Variants in DSCAM observed in about 807,000 individuals in gnomAD.
DSCAM encodes cell adhesion molecule DSCAM.
A neutral mutation model predicts 217.7 loss-of-function variants in DSCAM; 47 were observed. The observed-to-expected ratio is 0.22, with a 90% CI of 0.17 to 0.28. The LOEUF is 0.28. DSCAM is among the 10% of genes least tolerant of loss of function. DSCAM has a pLI of 1.00. For missense variants in DSCAM, 2,080 were observed against 2,618.3 expected (o/e 0.79, Z 4.49); for synonymous variants, 1,056 against 1,015.3 (o/e 1.04, Z -0.76).
At position 40,775,727 on chromosome 21, in the gene DSCAM, G is replaced by A. The variant is rs140215940; in HGVS notation, c.44-66956C>T. ...TCAACCTTGGACTGAGAGACACATC[G>A]TCGGCATCCCTGGTTCTCAAAGTAT... On this transcript the variant is annotated intron_variant, in intron 1 of 32. Coordinates refer to ENST00000400454, the MANE Select transcript of DSCAM (RefSeq NM_001389.5). Among the ~76,000 whole-genome samples the A allele has an allele frequency of 1.9e-3, 282 of 152,248 alleles. 1 individual carries two copies. Among genetic ancestry groups the A allele is most frequent in the African/African-American group, 6.2e-3 (257 of 41,550 alleles).
intron 3 of DSCAM, among the ~76,000 whole-genome samples, chr21:40,511,208 G>A (rs569646634): frequency 5.3e-5 from 8 of 152,128 alleles, no homozygotes; most frequent in African/African-American, 1.9e-4. Flanking sequence ...TTTGAGAAAA[G>A]AGGAAAGCAG....
At chr21:40,255,083 G>A in intron 11 of DSCAM, among the ~76,000 whole-genome samples, 1 of 151,998 alleles carries the variant, frequency 6.6e-6, no homozygotes, top group East Asian at 1.9e-4. Flanking sequence ...GGAATAAACA[G>A]GTAAATAAAG....
intron 1 of DSCAM, among the ~76,000 whole-genome samples, chr21:40,841,040 A>C (rs2092097046): frequency 6.6e-6 from 1 of 152,198 alleles, no homozygotes; most frequent in African/African-American, 2.4e-5. Flanking sequence ...CTAGTGAGAG[A>C]GGCAGTCACT....
At position 40,369,072 on chromosome 21, in the gene DSCAM, G is replaced by A. The variant is rs1264473295; in HGVS notation, c.655+27C>T. The A allele has an allele frequency of 3.8e-6, 6 of 1,583,074 alleles. No individual in the cohort carries two copies. The Admixed American group carries it at 1.1e-4, about 28-fold the overall frequency. ...CACTAACAAAGAAATAGCAGACATA[G>A]CAGACAGAGTCTTGATAAGTTTTTA... is the stretch of plus-strand genomic sequence containing the variant. On this transcript the variant is annotated intron_variant, in intron 4 of 32. Transcript: ENST00000400454.
chr21:40,091,201 T>TCA (rs141577549), intron 21 of DSCAM, among the ~76,000 whole-genome samples: 12 of 151,974 alleles, frequency 7.9e-5, no homozygotes, highest in South Asian at 2.1e-4. Flanking sequence ...ATAAGGTTTA[T>TCA]CACACACACA....
intron 3 of DSCAM, among the ~76,000 whole-genome samples, chr21:40,520,100 A>G (rs1397550068): frequency 2.0e-5 from 3 of 152,070 alleles, no homozygotes; most frequent in Admixed American, 6.6e-5. Context: ...ATGTTTCCTT[A>G]ATGACATAAT....
At chr21:40,574,163 CA>C (rs920567759) in intron 3 of DSCAM, among the ~76,000 whole-genome samples, 1 of 151,562 alleles carries the variant, frequency 6.6e-6, no homozygotes, top group African/African-American at 2.4e-5. Context: ...ATTAAACCTA[CA>C]AAAAACATTA....
At chr21:40,631,441 A>G (rs1337030028) in intron 3 of DSCAM, among the ~76,000 whole-genome samples, 2 of 152,162 alleles carry the variant, frequency 1.3e-5, no homozygotes, top group African/African-American at 4.8e-5. Context: ...ATGTGTCTGA[A>G]TTCTGGGCAT....
At chr21:40,412,628 T>C (rs566107481) in intron 3 of DSCAM, among the ~76,000 whole-genome samples, 26 of 152,338 alleles carry the variant, frequency 1.7e-4, no homozygotes, top group East Asian at 1.2e-3. Flanking sequence ...GCATTCAAGA[T>C]GTGACTAGGG....
intron 1 of DSCAM, among the ~76,000 whole-genome samples, chr21:40,725,884 G>T (rs977839138): frequency 6.6e-6 from 1 of 152,080 alleles, no homozygotes; most frequent in African/African-American, 2.4e-5. Flanking sequence ...GACAATTTTA[G>T]ATCATGCAAA....
intron 1 of DSCAM, among the ~76,000 whole-genome samples, chr21:40,837,664 C>T (rs888238013): frequency 6.6e-6 from 1 of 152,212 alleles, no homozygotes; most frequent in Non-Finnish European, 1.5e-5. Context: ...TGTTAGACAG[C>T]ATTCCACATT....
intron 3 of DSCAM, among the ~76,000 whole-genome samples, chr21:40,421,573 G>T (rs370272408): frequency 3.9e-5 from 6 of 152,308 alleles, no homozygotes; most frequent in East Asian, 1.9e-4. Context: ...GTGTTTTGAG[G>T]TGTATGTTGA....
Position 40,514,575 on chromosome 21 carries a change from T to C in DSCAM, c.509-145330A>G, listed in dbSNP as rs141543347. Among the ~76,000 whole-genome samples, 7 of 152,358 alleles carry C rather than the reference T, an allele frequency of 4.6e-5. No homozygotes were observed. In the East Asian group the frequency reaches 1.3e-3, roughly 29 times the overall value. On this transcript the variant is annotated intron_variant, in intron 3 of 32. Transcript: ENST00000400454. ...AGACAGACTATTCACGTTGCACCAG[T>C]GCATATTCTAATGTTCTGCAGCAAC...
intron 1 of DSCAM, among the ~76,000 whole-genome samples, chr21:40,845,235 G>A (rs2092134606): frequency 6.6e-6 from 1 of 152,150 alleles, no homozygotes; most frequent in African/African-American, 2.4e-5. Flanking sequence ...TTTGCTTTAG[G>A]TTATACTGGA....
chr21:40,072,507 C>A (rs112482403), intron 27 of DSCAM, among the ~76,000 whole-genome samples: 1 of 151,920 alleles, frequency 6.6e-6, no homozygotes, highest in Non-Finnish European at 1.5e-5. Flanking sequence ...CCACCACCCC[C>A]GGCTAATTTT....
chr21:40,810,145 A>T (rs948947245), intron 1 of DSCAM, among the ~76,000 whole-genome samples: 63 of 152,190 alleles, frequency 4.1e-4, no homozygotes, highest in Non-Finnish European at 7.5e-4. Context: ...TTTTCCTTGT[A>T]GTCTAAATGT....
Position 40,498,231 on chromosome 21 carries a change from T to C in DSCAM, c.509-128986A>G, listed in dbSNP as rs548814390. On this transcript the variant is annotated intron_variant, in intron 3 of 32. Coordinates refer to ENST00000400454, the MANE Select transcript of DSCAM (RefSeq NM_001389.5). ...CAGGAGGAATTACTATTGTCAATTG[T>C]ATATGAAGGCAACAATGACCCACCA... 3.4e-4 allele frequency among the ~76,000 whole-genome samples: 52 copies of C among 152,290 alleles called. No homozygotes were observed. In the South Asian group the frequency reaches 0.011, roughly 31 times the overall value.
In DSCAM at chr21:40,182,610, GACAGA is replaced by G. The variant is rs1298872403; in HGVS notation, c.2780-3521_2780-3517del. On this transcript the variant is annotated intron_variant, in intron 14 of 32. Transcript: ENST00000400454. Reference sequence around the variant, plus strand: ...AGGAGGGGCCAGCAGAGAAACCGTGGACAGAACGGGCCACCAGAGAAACCGTGGAC... The same window carrying G: ...AGGAGGGGCCAGCAGAGAAACCGTGGACGGGCCACCAGAGAAACCGTGGAC... Among the ~76,000 whole-genome samples the G allele has an allele frequency of 3.8e-3, 516 of 134,326 alleles. 7 individuals carry two copies. Among genetic ancestry groups the G allele is most frequent in the African/African-American group, 0.012 (390 of 32,130 alleles). 88.1% of individuals were successfully genotyped at this position (134,326 alleles called of 152,430 possible).
At chr21:40,364,344 A>T (rs552757929) in intron 4 of DSCAM, among the ~76,000 whole-genome samples, 18 of 152,306 alleles carry the variant, frequency 1.2e-4, no homozygotes, top group African/African-American at 3.8e-4. Flanking sequence ...AATACTATGC[A>T]GCCATAAAAA....
Sources: allele counts gnomAD v4.1 joint callset (sites outside exome capture counted in the v4.1 genomes callset), GRCh38; gene constraint gnomAD v4.1.1; transcripts MANE v1.5; gene names NCBI Gene and HGNC (gene_info 2026-07-23, HGNC 2026-07-21).